GRIN1: variants seen among roughly 807,000 people sequenced by gnomAD.
GRIN1 encodes the protein glutamate ionotropic receptor NMDA type subunit 1.
GRIN1 carries 38 observed loss-of-function variants against 103.0 expected under a neutral mutation model. The ratio of observed to expected loss-of-function variants is 0.37; its 90% confidence interval spans 0.28 to 0.48. The LOEUF (loss-of-function observed/expected upper bound fraction) is 0.48. Among genes scored for constraint, GRIN1 ranks in the 20% least tolerant of loss-of-function variants. GRIN1 has a pLI of 0.98. For missense variants in GRIN1, 577 were observed against 1,288.9 expected (o/e 0.45, Z 8.46); for synonymous variants, 544 against 532.7 (o/e 1.02, Z -0.29).
At chr9:137,161,506 A>G in intron 10 of GRIN1, 90 bp downstream of exon 10, 1 of 903,496 alleles carries the variant, frequency 1.1e-6, no homozygotes, top group Non-Finnish European at 1.6e-6. Context: ...CGGGGCTTGC[A>G]GATGGTGGGG....
In GRIN1 at chr9:137,161,406, C is replaced by T; in HGVS notation, c.1457C>T (p.Thr486Ile). The change falls in exon 10 of 20, where the codon ACA (threonine) becomes ATA (isoleucine). Residue 486 changes from threonine to isoleucine, a missense_variant. Around this residue, in one of 9 missense-constraint regions of GRIN1, gnomAD observed 96 missense variants for 145.0 expected, o/e 0.66. Transcript: ENST00000371561. ...CTGGTGGCAGATGGCAAGTTCGGCACACAGGAGCGGGTAGGCTGGACGGCG... is the reference window on the plus strand; with the variant it reads ...CTGGTGGCAGATGGCAAGTTCGGCATACAGGAGCGGGTAGGCTGGACGGCG... ...VHLVADGKFG[T>I]QERVNNSNKK... 1 of 1,611,550 alleles carries T rather than the reference C, an allele frequency of 6.2e-7. No homozygotes were observed. Among genetic ancestry groups the T allele is most frequent in the Non-Finnish European group, 8.5e-7 (1 of 1,179,546 alleles).
At position 137,145,644 on chromosome 9, in the gene GRIN1, G is replaced by A. The variant is rs538806116; in HGVS notation, c.394-82G>A. 1.3e-4 allele frequency: 159 copies of A among 1,187,002 alleles called. 1 individual carries two copies. Among genetic ancestry groups the A allele is most frequent in the East Asian group, 1.2e-3 (47 of 40,246 alleles). The allele number at this position is 1,187,002 out of a possible 1,614,324, so 73.5% of individuals were successfully genotyped here. ...AGGAGGGGGGTTCCCAGCCTCCGGC[G>A]GGTGTTCCGGCAGTGGGAGGCGGGT... On this transcript the variant is annotated intron_variant, in intron 2 of 19. Coordinates refer to ENST00000371561, the MANE Select transcript of GRIN1 (RefSeq NM_007327.4).
intron 2 of GRIN1, among the ~76,000 whole-genome samples, chr9:137,145,402 T>C (rs1832459070): frequency 9.1e-6 from 1 of 109,492 alleles, no homozygotes; most frequent in Non-Finnish European, 1.9e-5. Context: ...GGTCCCAGGG[T>C]CTAGAAAGTG....
intron 10 of GRIN1, 130 bp from the exon 11 acceptor site, chr9:137,161,794 G>A (rs1833567513): frequency 4.3e-6 from 4 of 936,080 alleles, no homozygotes; most frequent in Non-Finnish European, 6.6e-6. Flanking sequence ...AGTGGGGTGG[G>A]GCCTGCGAGC....
chr9:137,163,996 C>G, intron 18 of GRIN1, 92 bp downstream of exon 18: 1 of 1,443,988 alleles, frequency 6.9e-7, no homozygotes, highest in Non-Finnish European at 9.7e-7. Context: ...CTGGCTCTGG[C>G]TCTGGTGGGC....
In GRIN1 at chr9:137,167,615, G is replaced by A; in HGVS notation, c.*88G>A. 1.4e-5 allele frequency: 21 copies of A among 1,521,204 alleles called. No homozygotes were observed. Among genetic ancestry groups the A allele is most frequent in the Non-Finnish European group, 1.9e-5 (21 of 1,131,810 alleles). 94.2% of individuals were successfully genotyped at this position (1,521,204 alleles called of 1,614,324 possible). ...GCGGCCCGGCCCACGCAGAGCCCCG[G>A]AGCACCACGGGGTCGGGGGAGGAGC... On this transcript the variant is annotated 3_prime_UTR_variant, in exon 20 of 20. Transcript: ENST00000371561.
At chr9:137,162,821 C>T (rs201073775) in intron 14 of GRIN1, 25 bp from the exon 15 acceptor site, 5 of 1,610,702 alleles carry the variant, frequency 3.1e-6, no homozygotes, top group South Asian at 2.2e-5. Flanking sequence ...GCCGCCGCCG[C>T]GATCCCTGCC....
intron 2 of GRIN1, among the ~76,000 whole-genome samples, chr9:137,144,524 G>A (rs183144405): frequency 0.051 from 7,824 of 151,978 alleles, 246 homozygotes; most frequent in Admixed American, 0.085. Flanking sequence ...GCGTGGTGGC[G>A]GGCGCCTGTA....
In GRIN1 at chr9:137,158,524, G is replaced by A. The variant is rs1833359386; in HGVS notation, c.1113+1G>A. Reference sequence around the variant, plus strand: ...AGTGGGCATCTACAATGGCACCCACGTAGGTGGGGGTCATGAGGGGGTGGG... The same window carrying A: ...AGTGGGCATCTACAATGGCACCCACATAGGTGGGGGTCATGAGGGGGTGGG... On this transcript the variant is annotated splice_donor_variant, in intron 7 of 19. Coordinates refer to ENST00000371561, the MANE Select transcript of GRIN1 (RefSeq NM_007327.4). LOFTEE classifies it high-confidence loss of function. The A allele has an allele frequency of 6.2e-7, 1 of 1,611,528 alleles. No individual in the cohort carries two copies. Among genetic ancestry groups the A allele is most frequent in the Non-Finnish European group, 8.5e-7 (1 of 1,178,808 alleles).
Position 137,167,562 on chromosome 9 carries a change from G to A in GRIN1, c.*35G>A, listed in dbSNP as rs1314930581. On this transcript the variant is annotated 3_prime_UTR_variant, in exon 20 of 20. Transcript: ENST00000371561. ...CCCGCCCTCCTCTGCCCCCTCCCCC[G>A]CAGACAGACAGACAGACGGACGGGA... The A allele has an allele frequency of 2.6e-5, 20 of 776,882 alleles. No homozygotes were observed. Among genetic ancestry groups the A allele is most frequent in the Non-Finnish European group, 3.9e-5 (20 of 514,298 alleles). 48.1% of individuals were successfully genotyped at this position (776,882 alleles called of 1,614,324 possible).
chr9:137,142,464 C>T (rs1832230512), intron 2 of GRIN1, among the ~76,000 whole-genome samples: 1 of 138,306 alleles, frequency 7.2e-6, no homozygotes, highest in African/African-American at 2.5e-5. Flanking sequence ...CACACTCACA[C>T]ATCACACACA....
intron 3 of GRIN1, among the ~76,000 whole-genome samples, chr9:137,147,646 C>T (rs1313373906): frequency 6.6e-6 from 1 of 152,264 alleles, no homozygotes; most frequent in East Asian, 1.9e-4. Context: ...CCCTCTTGGG[C>T]GCATATGCGA....
intron 18 of GRIN1, 150 bp from the exon 19 acceptor site, chr9:137,165,036 G>T: frequency 1.4e-6 from 1 of 721,160 alleles, no homozygotes; most frequent in Non-Finnish European, 2.5e-6. Flanking sequence ...TCGAACGTCC[G>T]CTGTCGGCCC....
intron 10 of GRIN1, among the ~76,000 whole-genome samples, 184 bp from the exon 11 acceptor site, chr9:137,161,740 G>T (rs1833563241): frequency 6.7e-6 from 1 of 149,428 alleles, no homozygotes; most frequent in African/African-American, 2.5e-5. Context: ...CTGTGGTGGG[G>T]CCCGCCCGGC....
At chr9:137,144,743 A>G (rs34982003) in intron 2 of GRIN1, among the ~76,000 whole-genome samples, 2,127 of 61,092 alleles carry the variant, frequency 0.035, 64 homozygotes, top group African/African-American at 0.1. Flanking sequence ...TGGGGACAGG[A>G]GTGAGAGGAA....
At chr9:137,154,764 A>C (rs1364059448) in intron 4 of GRIN1, among the ~76,000 whole-genome samples, 1 of 151,950 alleles carries the variant, frequency 6.6e-6, no homozygotes, top group Non-Finnish European at 1.5e-5. Context: ...AAAATACTTC[A>C]GAGCAATGGC....
intron 2 of GRIN1, 29 bp downstream of exon 2, chr9:137,142,176 C>T (rs200406869): frequency 3.2e-5 from 51 of 1,612,274 alleles, no homozygotes; most frequent in African/African-American, 2.5e-4. Flanking sequence ...CCAGGCCTTC[C>T]GGCCCTCGGC....
intron 2 of GRIN1, among the ~76,000 whole-genome samples, chr9:137,144,197 C>T (rs970343746): frequency 7.2e-5 from 11 of 152,092 alleles, no homozygotes; most frequent in South Asian, 2.1e-4. Flanking sequence ...CAGAAACCCA[C>T]GTCCCTTAGG....
At chr9:137,147,988 C>T (rs1455632748) in intron 3 of GRIN1, among the ~76,000 whole-genome samples, 3 of 152,114 alleles carry the variant, frequency 2.0e-5, no homozygotes, top group Non-Finnish European at 4.4e-5. Flanking sequence ...AGCTCCACCC[C>T]GGCCCCCAGC....
Sources: gnomAD v4.1 joint callset for allele counts (sites outside exome capture counted in the v4.1 genomes callset) on GRCh38, gnomAD v4.1.1 for gene constraint, gnomAD v4.1.1 regional missense constraint, MANE v1.5 for transcripts, NCBI Gene and HGNC (gene_info 2026-07-23, HGNC 2026-07-21) for gene names.